Variants in MYRIP observed in about 807,000 individuals in gnomAD.
The protein encoded by MYRIP is myosin VIIA and Rab interacting protein.
In MYRIP, 49 loss-of-function variants were observed where a neutral mutation model predicts 98.0. That is an observed-to-expected ratio of 0.50 (90% CI 0.40 to 0.63). The LOEUF (loss-of-function observed/expected upper bound fraction) is 0.63, where lower values mean the gene tolerates loss of function less well. Ranked by LOEUF, MYRIP falls within the 30% of genes least tolerant of loss-of-function variation. The probability of loss-of-function intolerance (pLI) is 0.00; values close to 1 mark genes in which losing one functional copy is unlikely to be tolerated. For missense variants in MYRIP, 1,004 were observed against 1,058.2 expected, an observed-to-expected ratio of 0.95 and a Z score of 0.71; for synonymous variants, 404 against 409.5, an observed-to-expected ratio of 0.99 and a Z score of 0.16.
At chr3:40,036,324 A>AAAAAAAAACAAAAC (rs1553607293) in intron 2 of MYRIP, among the ~76,000 whole-genome samples, 2 of 125,628 alleles carry the variant, frequency 1.6e-5, no homozygotes, top group African/African-American at 2.9e-5. Context: ...AAAAAAAAAA[A>AAAAAAAAACAAAAC]CTTTATTCAA....
chr3:40,042,526 A>G (rs1947561772), intron 2 of MYRIP, among the ~76,000 whole-genome samples: 1 of 152,190 alleles, frequency 6.6e-6, no homozygotes, highest in South Asian at 2.1e-4. Flanking sequence ...TGCCACATCC[A>G]TCTTAAATAT....
intron 1 of MYRIP, among the ~76,000 whole-genome samples, chr3:39,859,952 C>A (rs376653659): frequency 6.6e-6 from 1 of 152,162 alleles, no homozygotes; most frequent in Non-Finnish European, 1.5e-5. Flanking sequence ...AGCTCAGAAA[C>A]AAGACAAGGG....
At chr3:40,148,030 C>A (rs1950044928) in intron 3 of MYRIP, among the ~76,000 whole-genome samples, 1 of 152,110 alleles carries the variant, frequency 6.6e-6, no homozygotes, top group South Asian at 2.1e-4. Flanking sequence ...TTTATTTTGC[C>A]CTCTTGTGAT....
At chr3:39,830,851 A>G (rs926076159) in intron 1 of MYRIP, among the ~76,000 whole-genome samples, 3 of 152,192 alleles carry the variant, frequency 2.0e-5, no homozygotes, top group Non-Finnish European at 4.4e-5. Context: ...CTGCTAAAAA[A>G]GAGTTGTCTA....
chr3:40,170,149 A>T, intron 8 of MYRIP, 56 bp downstream of exon 8: 3 of 1,585,274 alleles, frequency 1.9e-6, no homozygotes, highest in Non-Finnish European at 2.6e-6. Flanking sequence ...TGGGGCACAC[A>T]TTTAACCCTC....
intron 3 of MYRIP, among the ~76,000 whole-genome samples, chr3:40,108,372 C>T (rs561980220): frequency 6.7e-6 from 1 of 148,436 alleles, no homozygotes; most frequent in South Asian, 2.1e-4. Flanking sequence ...CTGTAGGGGT[C>T]TTGCAGAGAA....
intron 2 of MYRIP, among the ~76,000 whole-genome samples, chr3:40,013,224 G>A (rs534923019): frequency 2.3e-4 from 35 of 152,274 alleles, no homozygotes; most frequent in Middle Eastern, 3.4e-3. Context: ...AGCGAATCAC[G>A]TTTTTGCACT....
chr3:40,193,707 T>C (rs1951308050), intron 10 of MYRIP, among the ~76,000 whole-genome samples: 1 of 152,184 alleles, frequency 6.6e-6, no homozygotes, highest in African/African-American at 2.4e-5. Flanking sequence ...TCTCTCATGT[T>C]GTCAACAATA....
intron 3 of MYRIP, among the ~76,000 whole-genome samples, chr3:40,122,163 T>C (rs1949417956): frequency 6.6e-6 from 1 of 152,088 alleles, no homozygotes; most frequent in African/African-American, 2.4e-5. Context: ...TGAGCAACAT[T>C]AACTCAGAAA....
chr3:40,103,758 TA>T (rs1948998887), intron 3 of MYRIP, among the ~76,000 whole-genome samples: 1 of 150,990 alleles, frequency 6.6e-6, no homozygotes, highest in African/African-American at 2.4e-5. Context: ...AAACTCTGTC[TA>T]AAAAAAAGAG....
intron 1 of MYRIP, among the ~76,000 whole-genome samples, chr3:39,849,593 G>A (rs573860553): frequency 9.5e-4 from 145 of 152,322 alleles, no homozygotes; most frequent in African/African-American, 3.4e-3. Flanking sequence ...AGTTATAAAT[G>A]TGAACTTGTA....
chr3:40,224,975 G>C (rs527494020), intron 11 of MYRIP, among the ~76,000 whole-genome samples: 136 of 152,304 alleles, frequency 8.9e-4, no homozygotes, highest in Non-Finnish European at 1.5e-3. Flanking sequence ...CATGAGAACT[G>C]AAATATATTA....
At chr3:39,983,986 A>G (rs1436344289) in intron 2 of MYRIP, among the ~76,000 whole-genome samples, 2 of 152,154 alleles carry the variant, frequency 1.3e-5, no homozygotes, top group Non-Finnish European at 2.9e-5. Flanking sequence ...AAAGCTTGGA[A>G]AAAACTTTGG....
In MYRIP at chr3:40,210,064, A is replaced by G; in HGVS notation, c.1876A>G (p.Ser626Gly). The G allele has an allele frequency of 6.2e-7, 1 of 1,614,008 alleles. No individual in the cohort carries two copies. The highest frequency in any genetic ancestry group is 1.3e-5 in the African/African-American group (1 of 75,048). ...GGAAAGTCTGTCCTCTGAAGACAACAGCCAGAGTGTCCAGGAAGAGCTGAA... is the reference window on the plus strand; with the variant it reads ...GGAAAGTCTGTCCTCTGAAGACAACGGCCAGAGTGTCCAGGAAGAGCTGAA... ...QKESLSSEDN[S>G]QSVQEELKKK... The change falls in exon 11 of 17, where the codon AGC (serine) becomes GGC (glycine). Residue 626 changes from serine (S) to glycine (G), a missense_variant. This residue lies in a region of MYRIP where 880 missense variants were observed against 907.7 expected (regional missense o/e 0.97). Transcript: ENST00000302541.
intron 2 of MYRIP, 132 bp from the exon 3 acceptor site, chr3:40,043,918 C>T: frequency 1.4e-6 from 1 of 693,874 alleles, no homozygotes; most frequent in Non-Finnish European, 2.4e-6. Flanking sequence ...TCTGAGTTCT[C>T]TTGTTCTCCA....
At chr3:39,925,037 C>T (rs765386061) in intron 2 of MYRIP, among the ~76,000 whole-genome samples, 2 of 151,080 alleles carry the variant, frequency 1.3e-5, no homozygotes, top group Middle Eastern at 3.2e-3. Context: ...TCTAAGTTCC[C>T]ATCATAAGAA....
chr3:40,051,885 T>A (rs1486485725), intron 3 of MYRIP, among the ~76,000 whole-genome samples: 1 of 152,116 alleles, frequency 6.6e-6, no homozygotes, highest in Non-Finnish European at 1.5e-5. Flanking sequence ...TATGTTTTAT[T>A]TATTTATTTA....
intron 2 of MYRIP, among the ~76,000 whole-genome samples, chr3:40,037,764 C>T (rs1173817206): frequency 6.6e-6 from 1 of 152,106 alleles, no homozygotes; most frequent in African/African-American, 2.4e-5. Flanking sequence ...GAATGCTAAT[C>T]AGAGCCTCAC....
At chr3:39,862,002 A>G (rs535629877) in intron 1 of MYRIP, among the ~76,000 whole-genome samples, 21 of 152,304 alleles carry the variant, frequency 1.4e-4, no homozygotes, top group South Asian at 1.0e-3. Context: ...TCATTGTGAA[A>G]TACCACACAA....
Sources: gnomAD v4.1 joint callset for allele counts (sites outside exome capture counted in the v4.1 genomes callset) on GRCh38, gnomAD v4.1.1 for gene constraint, gnomAD v4.1.1 regional missense constraint, MANE v1.5 for transcripts, NCBI Gene and HGNC (gene_info 2026-07-23, HGNC 2026-07-21) for gene names.